MEF2C: variants seen among roughly 807,000 people sequenced by gnomAD.
MEF2C encodes the protein myocyte-specific enhancer factor 2C.
A neutral mutation model predicts 50.5 loss-of-function variants in MEF2C; 6 were observed. The observed-to-expected ratio is 0.12, with a 90% CI of 0.07 to 0.23. The LOEUF is 0.23. MEF2C is among the 10% of genes least tolerant of loss of function. The probability of loss-of-function intolerance (pLI) is 1.00; values close to 1 mark genes in which losing one functional copy is unlikely to be tolerated. For synonymous variants in MEF2C, 183 were observed against 228.0 expected (o/e 0.80, Z 1.78); for missense variants, 276 against 605.0 (o/e 0.46, Z 5.70).
chr5:88,902,799 C>G (rs1347208203), intron 1 of MEF2C, among the ~76,000 whole-genome samples: 1 of 151,316 alleles, frequency 6.6e-6, no homozygotes, highest in Non-Finnish European at 1.5e-5. Context: ...CCCCACAGCC[C>G]AGAAAATTGA....
chr5:88,775,419 T>G (rs951550543), intron 3 of MEF2C, among the ~76,000 whole-genome samples: 1 of 152,212 alleles, frequency 6.6e-6, no homozygotes, highest in African/African-American at 2.4e-5. Flanking sequence ...ATACATTGCA[T>G]TATGGCAAAT....
intron 2 of MEF2C, among the ~76,000 whole-genome samples, chr5:88,806,221 T>C (rs1185408284): frequency 1.3e-5 from 2 of 152,170 alleles, no homozygotes; most frequent in African/African-American, 2.4e-5. Context: ...TCATTTAAAC[T>C]TTTTTCATAC....
At position 88,751,973 on chromosome 5, in the gene MEF2C, C is replaced by T; in HGVS notation, c.473G>A (p.Ser158Asn). The part of the protein sequence containing the change: ...PVSSHNSLVY[S>N]NPVSSLGNPN... ...GTTTCCCAGTGAGCTGACAGGGTTG[C>T]TGTACACCAAACTGTTGTGGCTGGA... Residue 158 changes from serine to asparagine, a missense_variant, in exon 5 of 11, where the codon AGC (serine) becomes AAC (asparagine). Physicochemically the swap from Ser to Asn is conservative, Grantham distance 46. Transcript: ENST00000504921. 6.2e-7 allele frequency: 1 copy of T among 1,613,970 alleles called. No homozygotes were observed. Among genetic ancestry groups the T allele is most frequent in the Non-Finnish European group, 8.5e-7 (1 of 1,179,856 alleles).
intron 1 of MEF2C, among the ~76,000 whole-genome samples, chr5:88,847,384 G>A (rs1269680899): frequency 6.6e-6 from 1 of 152,142 alleles, no homozygotes; most frequent in Non-Finnish European, 1.5e-5. Flanking sequence ...GAATACCAAT[G>A]TAGTCCTAGT....
intron 3 of MEF2C, among the ~76,000 whole-genome samples, chr5:88,788,213 G>T (rs1052608993): frequency 1.0e-5 from 1 of 95,280 alleles, no homozygotes; most frequent in Non-Finnish European, 2.7e-5. Context: ...TTTATTTAGA[G>T]ACTGTGTCTC....
intron 6 of MEF2C, among the ~76,000 whole-genome samples, chr5:88,732,753 G>A (rs1561704971): frequency 6.6e-6 from 1 of 152,290 alleles, no homozygotes; most frequent in East Asian, 1.9e-4. Context: ...TGCCAGCAGA[G>A]CTGGCATGAC....
At chr5:88,775,725 A>T (rs1784444648) in intron 3 of MEF2C, 1 of 725,868 alleles carries the variant, frequency 1.4e-6, no homozygotes, top group Non-Finnish European at 1.7e-6. Flanking sequence ...GACTGCATAT[A>T]TTATGCAGAT....
chr5:88,759,343 G>C (rs1163570982), intron 4 of MEF2C, among the ~76,000 whole-genome samples: 1 of 152,172 alleles, frequency 6.6e-6, no homozygotes, highest in African/African-American at 2.4e-5. Context: ...TTAGCCGGGA[G>C]TGGTGGCACA....
intron 1 of MEF2C, chr5:88,889,017 A>ATG (rs1375722067): frequency 1.3e-5 from 2 of 152,116 alleles, no homozygotes; most frequent in Non-Finnish European, 2.9e-5. Context: ...ATACCTTACT[A>ATG]TGTGTGTGCT....
Position 88,825,839 on chromosome 5 carries a change from G to A in MEF2C, c.-142-1909C>T, listed in dbSNP as rs139688534. On this transcript the variant is annotated intron_variant, in intron 1 of 10. Coordinates refer to ENST00000504921, the MANE Select transcript of MEF2C (RefSeq NM_002397.5). Reference sequence around the variant, plus strand: ...ATGAATCCACAGCAAATGCATATAGGACAATTTCCTTTCCTTTCATTTAGC... The same window carrying A: ...ATGAATCCACAGCAAATGCATATAGAACAATTTCCTTTCCTTTCATTTAGC... 1.3e-3 allele frequency: 204 copies of A among 155,250 alleles called. 1 individual carries two copies. The highest frequency in any genetic ancestry group is 0.012 in the Admixed American group (178 of 15,232). 9.6% of individuals were successfully genotyped at this position (155,250 alleles called of 1,614,324 possible).
chr5:88,804,269 T>A (rs1431798964), intron 3 of MEF2C, among the ~76,000 whole-genome samples: 1 of 152,210 alleles, frequency 6.6e-6, no homozygotes, highest in Non-Finnish European at 1.5e-5. Flanking sequence ...GATGAGCTAT[T>A]CCCTGGCAAG....
At chr5:88,760,939 G>A in intron 4 of MEF2C, 1 of 1,566,982 alleles carries the variant, frequency 6.4e-7, no homozygotes, top group Non-Finnish European at 8.6e-7. Context: ...GTTAAGGTAT[G>A]TTACTGCAGC....
At chr5:88,736,176 GCTT>G in intron 6 of MEF2C, 1 of 985,218 alleles carries the variant, frequency 1.0e-6, no homozygotes, top group Admixed American at 6.2e-5. Context: ...CTTAGCTTTG[GCTT>G]CCATCACCAT....
At chr5:88,895,615 G>A (rs1231360011) in intron 1 of MEF2C, among the ~76,000 whole-genome samples, 2 of 152,128 alleles carry the variant, frequency 1.3e-5, no homozygotes. Flanking sequence ...CAGTTGTGAT[G>A]TTGTGAAAGT....
intron 6 of MEF2C, chr5:88,734,827 G>C: frequency 1.0e-6 from 1 of 976,204 alleles, no homozygotes; most frequent in Non-Finnish European, 1.2e-6. Context: ...TAGAAGATTA[G>C]TCACATATTT....
intron 6 of MEF2C, chr5:88,733,906 G>A: frequency 2.0e-6 from 2 of 985,278 alleles, no homozygotes; most frequent in Non-Finnish European, 2.4e-6. Flanking sequence ...TGGAATATTA[G>A]CCAAATTCTC....
intron 2 of MEF2C, among the ~76,000 whole-genome samples, chr5:88,805,434 A>G (rs78921844): frequency 0.015 from 2,222 of 152,064 alleles, 24 homozygotes; most frequent in East Asian, 0.044. Context: ...TAATGCCACC[A>G]TTTTCTTCTT....
chr5:88,752,387 C>A (rs116158197), intron 4 of MEF2C, among the ~76,000 whole-genome samples: 1 of 152,228 alleles, frequency 6.6e-6, no homozygotes, highest in African/African-American at 2.4e-5. Flanking sequence ...ATCAAAGGTG[C>A]CTGATTGTGA....
At chr5:88,886,191 G>C (rs1581997900), upstream of MEF2C, among the ~76,000 whole-genome samples, 1 of 152,282 alleles carries the variant, frequency 6.6e-6, no homozygotes, top group East Asian at 1.9e-4. Flanking sequence ...AAGCAGAAGA[G>C]ATATGAAGAA....
Sources: gnomAD v4.1 joint callset for allele counts (sites outside exome capture counted in the v4.1 genomes callset) on GRCh38, gnomAD v4.1.1 for gene constraint, MANE v1.5 for transcripts, NCBI Gene and HGNC (gene_info 2026-07-23, HGNC 2026-07-21) for gene names.